GRIK1: variants seen among roughly 807,000 people sequenced by gnomAD.
The protein encoded by GRIK1 is glutamate ionotropic receptor kainate type subunit 1.
A neutral mutation model predicts 105.7 loss-of-function variants in GRIK1; 69 were observed. That is an observed-to-expected ratio of 0.65 (90% CI 0.54 to 0.80). GRIK1 has a LOEUF of 0.80. GRIK1 is among the 30% of genes least tolerant of loss of function. The pLI, the probability that GRIK1 is intolerant of heterozygous loss-of-function variation, is 0.00. For missense variants in GRIK1, 1,109 were observed against 1,167.3 expected (o/e 0.95, Z 0.73); for synonymous variants, 438 against 431.3 (o/e 1.02, Z -0.19).
intron 1 of GRIK1, among the ~76,000 whole-genome samples, chr21:29,799,670 C>G (rs926748773): frequency 6.6e-6 from 1 of 152,156 alleles, no homozygotes; most frequent in Non-Finnish European, 1.5e-5. Context: ...GCTGGGACTA[C>G]AGGCATGCAC....
At chr21:29,711,950 A>G (rs182672550) in intron 1 of GRIK1, among the ~76,000 whole-genome samples, 1,858 of 152,108 alleles carry the variant, frequency 0.012, 22 homozygotes, top group South Asian at 0.03. Flanking sequence ...GGAGAAAAAA[A>G]TCATCTACAA....
At chr21:29,782,576 G>C (rs1252254920) in intron 1 of GRIK1, among the ~76,000 whole-genome samples, 1 of 152,160 alleles carries the variant, frequency 6.6e-6, no homozygotes, top group East Asian at 1.9e-4. Flanking sequence ...GATTGATTCT[G>C]TGCCTGCCTG....
At chr21:29,553,139 G>A in intron 16 of GRIK1, 1 of 780,574 alleles carries the variant, frequency 1.3e-6, no homozygotes, top group Non-Finnish European at 1.6e-6. Context: ...CAATATATGA[G>A]ACAGGGAGAA....
intron 1 of GRIK1, among the ~76,000 whole-genome samples, chr21:29,750,236 T>TACTC (rs2065152992): frequency 1.7e-5 from 2 of 115,028 alleles, no homozygotes; most frequent in Admixed American, 9.9e-5. Flanking sequence ...TTCCTTCCCT[T>TACTC]CCTCCCTCCC....
At chr21:29,576,195 T>G (rs1013097036) in intron 14 of GRIK1, among the ~76,000 whole-genome samples, 1 of 152,210 alleles carries the variant, frequency 6.6e-6, no homozygotes, top group African/African-American at 2.4e-5. Flanking sequence ...TATTAAAATC[T>G]ATTTTTCACT....
At chr21:29,645,388 C>T (rs1020296676) in intron 6 of GRIK1, among the ~76,000 whole-genome samples, 8 of 152,130 alleles carry the variant, frequency 5.3e-5, no homozygotes, top group Non-Finnish European at 7.3e-5. Context: ...TTCATTAATT[C>T]GCTGAATGAC....
At chr21:29,756,129 C>A (rs2065332371) in intron 1 of GRIK1, among the ~76,000 whole-genome samples, 1 of 152,212 alleles carries the variant, frequency 6.6e-6, no homozygotes, top group African/African-American at 2.4e-5. Context: ...CGCCTGTAAT[C>A]CCAGCACTTT....
chr21:29,770,684 A>T (rs968730353), intron 1 of GRIK1, among the ~76,000 whole-genome samples: 2 of 152,194 alleles, frequency 1.3e-5, no homozygotes, highest in Non-Finnish European at 1.5e-5. Flanking sequence ...TCTTGTTCCA[A>T]CTTGCTTCAA....
chr21:29,778,925 G>A (rs2066016299), intron 1 of GRIK1, among the ~76,000 whole-genome samples: 2 of 152,026 alleles, frequency 1.3e-5, no homozygotes, highest in East Asian at 1.9e-4. Flanking sequence ...CGAAAAAAAG[G>A]GAATTATACT....
At chr21:29,815,306 T>C (rs2067126349) in intron 1 of GRIK1, among the ~76,000 whole-genome samples, 1 of 152,144 alleles carries the variant, frequency 6.6e-6, no homozygotes, top group Non-Finnish European at 1.5e-5. Context: ...CTTCTCCAAG[T>C]TTCAACTTTC....
chr21:29,806,425 C>G (rs138903798), intron 1 of GRIK1, among the ~76,000 whole-genome samples: 6 of 151,812 alleles, frequency 4.0e-5, no homozygotes. Context: ...TCTGCGATTA[C>G]GGAAATACTT....
chr21:29,783,589 A>G (rs1040391859), intron 1 of GRIK1, among the ~76,000 whole-genome samples: 6 of 152,104 alleles, frequency 3.9e-5, no homozygotes, highest in South Asian at 2.1e-4. Flanking sequence ...AAATTTTTCA[A>G]TCCATATCAA....
intron 16 of GRIK1, among the ~76,000 whole-genome samples, chr21:29,552,989 A>G (rs1057266442): frequency 4.6e-5 from 7 of 152,188 alleles, no homozygotes; most frequent in South Asian, 4.1e-4. Context: ...AAATGCTAAG[A>G]CACTTTTGAG....
intron 1 of GRIK1, among the ~76,000 whole-genome samples, chr21:29,715,743 A>T (rs2064162322): frequency 6.7e-6 from 1 of 150,310 alleles, no homozygotes; most frequent in Admixed American, 6.7e-5. Flanking sequence ...TTCCCAACAC[A>T]CCCCTTTCTA....
intron 7 of GRIK1, among the ~76,000 whole-genome samples, chr21:29,628,188 A>G (rs2062177404): frequency 6.6e-6 from 1 of 152,214 alleles, no homozygotes; most frequent in African/African-American, 2.4e-5. Context: ...CAGAAAAGTT[A>G]TTTAAAAACA....
At chr21:29,655,886 G>C (rs2832425) in intron 4 of GRIK1, among the ~76,000 whole-genome samples, 7,189 of 152,046 alleles carry the variant, frequency 0.047, 563 homozygotes, top group African/African-American at 0.17. Context: ...GGGGTTCTAC[G>C]TTCATTGAAC....
intron 7 of GRIK1, among the ~76,000 whole-genome samples, chr21:29,606,561 T>C (rs1400587752): frequency 6.6e-6 from 1 of 152,152 alleles, no homozygotes; most frequent in Non-Finnish European, 1.5e-5. Flanking sequence ...GAGTCACATA[T>C]ATAACTGGCT....
At chr21:29,611,750 G>T (rs1220400181) in intron 7 of GRIK1, among the ~76,000 whole-genome samples, 1 of 152,190 alleles carries the variant, frequency 6.6e-6, no homozygotes, top group African/African-American at 2.4e-5. Flanking sequence ...ATGAAAGCAT[G>T]TGGGCTTATT....
intron 7 of GRIK1, among the ~76,000 whole-genome samples, chr21:29,639,035 G>GT (rs2062455094): frequency 6.6e-6 from 1 of 152,162 alleles, no homozygotes; most frequent in Admixed American, 6.5e-5. Context: ...AGTTAAATAG[G>GT]TTGGTCTTTC....
Sources: gnomAD v4.1 joint callset for allele counts (sites outside exome capture counted in the v4.1 genomes callset) on GRCh38, gnomAD v4.1.1 for gene constraint, MANE v1.5 for transcripts, NCBI Gene and HGNC (gene_info 2026-07-23, HGNC 2026-07-21) for gene names.